Variants in PTPRD observed in about 807,000 individuals in gnomAD.
PTPRD encodes receptor-type tyrosine-protein phosphatase delta.
Under a neutral mutation model 214.5 loss-of-function variants are expected in PTPRD, and 34 were observed. The observed-to-expected ratio is 0.16, with a 90% CI of 0.12 to 0.21. The LOEUF (loss-of-function observed/expected upper bound fraction) is 0.21, where lower values mean the gene tolerates loss of function less well. Among genes scored for constraint, PTPRD ranks in the 10% least tolerant of loss-of-function variants. PTPRD has a pLI of 1.00. For synonymous variants in PTPRD, 1,128 were observed against 845.7 expected (o/e 1.33, Z -5.79); for missense variants, 2,545 against 2,398.7 (o/e 1.06, Z -1.27).
chr9:9,667,326 CT>C (rs1228592584), intron 7 of PTPRD, among the ~76,000 whole-genome samples: 1 of 152,020 alleles, frequency 6.6e-6, no homozygotes, highest in African/African-American at 2.4e-5. Context: ...TCATTTACCC[CT>C]CTCATCCTCA....
intron 5 of PTPRD, among the ~76,000 whole-genome samples, chr9:9,816,557 T>A (rs960641567): frequency 6.6e-6 from 1 of 152,102 alleles, no homozygotes; most frequent in African/African-American, 2.4e-5. Context: ...ATTTGAATAA[T>A]ATATTGAACA....
At chr9:8,970,462 C>T (rs2099230436) in intron 11 of PTPRD, among the ~76,000 whole-genome samples, 1 of 151,680 alleles carries the variant, frequency 6.6e-6, no homozygotes, top group South Asian at 2.1e-4. Flanking sequence ...AAAAAGTCAA[C>T]CATCTAAAAC....
chr9:8,545,756 A>G (rs1272148029), intron 14 of PTPRD, among the ~76,000 whole-genome samples: 1 of 152,246 alleles, frequency 6.6e-6, no homozygotes, highest in African/African-American at 2.4e-5. Context: ...AGGGCCTTTT[A>G]GCTTTAAGTT....
At chr9:9,103,246 G>A (rs2099793718) in intron 10 of PTPRD, among the ~76,000 whole-genome samples, 1 of 151,776 alleles carries the variant, frequency 6.6e-6, no homozygotes, top group African/African-American at 2.4e-5. Flanking sequence ...GAGAAAAAGG[G>A]ATTAAGGGAA....
intron 2 of PTPRD, among the ~76,000 whole-genome samples, chr9:10,447,612 C>T (rs143936883): frequency 1.3e-4 from 19 of 151,886 alleles, no homozygotes; most frequent in Non-Finnish European, 2.6e-4. Flanking sequence ...ATACTATATA[C>T]AAATATTTGT....
chr9:8,972,594 G>A (rs2099245170), intron 11 of PTPRD, among the ~76,000 whole-genome samples: 1 of 151,716 alleles, frequency 6.6e-6, no homozygotes, highest in African/African-American at 2.4e-5. Context: ...TATTTATTGA[G>A]GACTGTTAGT....
At chr9:10,441,747 AAAAT>A (rs1360254216) in intron 2 of PTPRD, among the ~76,000 whole-genome samples, 65 of 151,708 alleles carry the variant, frequency 4.3e-4, no homozygotes, top group Non-Finnish European at 6.3e-4. Context: ...TTAATAAATC[AAAAT>A]AAATAAATGA....
At chr9:10,229,971 A>G (rs556800579) in intron 3 of PTPRD, among the ~76,000 whole-genome samples, 1 of 152,156 alleles carries the variant, frequency 6.6e-6, no homozygotes, top group Non-Finnish European at 1.5e-5. Flanking sequence ...ATACACTCGT[A>G]TATATTTTGG....
At chr9:9,186,572 C>T (rs1593152060) in intron 9 of PTPRD, among the ~76,000 whole-genome samples, 1 of 151,776 alleles carries the variant, frequency 6.6e-6, no homozygotes, top group African/African-American at 2.4e-5. Flanking sequence ...AATGGTACCA[C>T]CGCACTCCAA....
At chr9:8,759,294 T>C (rs2094245961) in intron 11 of PTPRD, among the ~76,000 whole-genome samples, 2 of 152,250 alleles carry the variant, frequency 1.3e-5, no homozygotes, top group South Asian at 4.1e-4. Context: ...TCAAGTGATC[T>C]TCCTGCCTTG....
intron 3 of PTPRD, among the ~76,000 whole-genome samples, chr9:10,106,947 G>C (rs987384171): frequency 6.6e-6 from 1 of 151,756 alleles, no homozygotes; most frequent in African/African-American, 2.4e-5. Flanking sequence ...GGTTGGCAGA[G>C]AAGAGGAAAA....
intron 9 of PTPRD, among the ~76,000 whole-genome samples, chr9:9,186,137 A>C (rs1015693524): frequency 6.6e-6 from 1 of 152,146 alleles, no homozygotes; most frequent in Non-Finnish European, 1.5e-5. Context: ...ATAAATTCTC[A>C]TGAACAGAAG....
At chr9:9,454,017 A>G (rs1292849040) in intron 8 of PTPRD, among the ~76,000 whole-genome samples, 2 of 151,716 alleles carry the variant, frequency 1.3e-5, no homozygotes. Flanking sequence ...AATTTCAGTT[A>G]TGTTCCCTTT....
At chr9:8,657,792 G>A (rs955471838) in intron 12 of PTPRD, among the ~76,000 whole-genome samples, 2 of 152,158 alleles carry the variant, frequency 1.3e-5, no homozygotes, top group African/African-American at 2.4e-5. Context: ...ATTGGCACAT[G>A]GGTTTTTTTT....
At chr9:9,303,510 G>A (rs1333103) in intron 9 of PTPRD, among the ~76,000 whole-genome samples, 131,676 of 152,118 alleles carry the variant, frequency 0.87, 57,326 homozygotes, top group East Asian at 1. Flanking sequence ...AACTCAATAC[G>A]TTATTCACTA....
At chr9:9,480,047 T>C (rs992170743) in intron 8 of PTPRD, among the ~76,000 whole-genome samples, 1 of 152,148 alleles carries the variant, frequency 6.6e-6, no homozygotes, top group African/African-American at 2.4e-5. Context: ...ATATCTGGGA[T>C]CAATTGTCCT....
At chr9:9,801,891 G>C (rs917189118) in intron 5 of PTPRD, among the ~76,000 whole-genome samples, 7 of 151,982 alleles carry the variant, frequency 4.6e-5, no homozygotes, top group Admixed American at 1.3e-4. Context: ...CAGGCAAGCA[G>C]TGCTTACAAT....
chr9:9,599,261 C>A (rs191455570), intron 7 of PTPRD, among the ~76,000 whole-genome samples: 2 of 152,056 alleles, frequency 1.3e-5, no homozygotes, highest in Non-Finnish European at 1.5e-5. Flanking sequence ...ATTAGTAACT[C>A]TTCCGATGCT....
intron 2 of PTPRD, among the ~76,000 whole-genome samples, chr9:10,535,097 A>T (rs1039241226): frequency 1.1e-4 from 17 of 152,180 alleles, no homozygotes; most frequent in Non-Finnish European, 2.2e-4. Flanking sequence ...AGCAGCCTGA[A>T]TGTCAGGAAC....
Sources: allele counts gnomAD v4.1 joint callset (sites outside exome capture counted in the v4.1 genomes callset), GRCh38; gene constraint gnomAD v4.1.1; transcripts MANE v1.5; gene names NCBI Gene and HGNC (gene_info 2026-07-23, HGNC 2026-07-21).